Variants in SLC9A2 observed in about 807,000 individuals in gnomAD.
SLC9A2 encodes the protein sodium/hydrogen exchanger 2.
Under a neutral mutation model 71.7 loss-of-function variants are expected in SLC9A2, and 42 were observed. That is an observed-to-expected ratio of 0.59 (90% CI 0.46 to 0.76). SLC9A2 has a LOEUF of 0.76. SLC9A2 is among the 30% of genes least tolerant of loss of function. The pLI is 0.00. For synonymous variants in SLC9A2, 396 were observed against 392.5 expected, an observed-to-expected ratio of 1.01 and a Z score of -0.10; for missense variants, 829 against 1,017.4, an observed-to-expected ratio of 0.81 and a Z score of 2.52.
At chr2:102,689,788 A>G (rs1677624116) in intron 5 of SLC9A2, 1 of 152,234 alleles carries the variant, frequency 6.6e-6, no homozygotes, top group African/African-American at 2.4e-5. Context: ...CAGGGGAATG[A>G]AGGTGACATT....
chr2:102,672,788 A>G (rs1558715658), intron 3 of SLC9A2, among the ~76,000 whole-genome samples: 3 of 151,250 alleles, frequency 2.0e-5, no homozygotes, highest in Admixed American at 1.3e-4. Context: ...GGTTGAGATA[A>G]TATATATATA....
chr2:102,680,005 G>C (rs890013253), intron 3 of SLC9A2, among the ~76,000 whole-genome samples: 2 of 152,092 alleles, frequency 1.3e-5, no homozygotes, highest in Non-Finnish European at 2.9e-5. Flanking sequence ...CTGGGTAGTG[G>C]GTACTTTGGT....
At chr2:102,635,465 C>T (rs1310135608) in intron 1 of SLC9A2, among the ~76,000 whole-genome samples, 2 of 152,218 alleles carry the variant, frequency 1.3e-5, no homozygotes, top group African/African-American at 4.8e-5. Context: ...TGCAACAGCC[C>T]TGGCCCTAGT....
At chr2:102,706,037 C>CAATGAGAACACCT in intron 11 of SLC9A2, 101 bp downstream of exon 11, 2 of 185,046 alleles carry the variant, frequency 1.1e-5, no homozygotes, top group African/African-American at 9.8e-5. Context: ...GAATGAGTTC[C>CAATGAGAACACCT]GGCCGGGCGC....
At chr2:102,662,187 T>G (rs1677061912) in intron 2 of SLC9A2, among the ~76,000 whole-genome samples, 1 of 152,234 alleles carries the variant, frequency 6.6e-6, no homozygotes, top group African/African-American at 2.4e-5. Context: ...TGACCCATCT[T>G]AACTCTTTGC....
intron 2 of SLC9A2, among the ~76,000 whole-genome samples, chr2:102,664,558 C>T (rs181671985): frequency 2.6e-5 from 4 of 151,372 alleles, no homozygotes; most frequent in South Asian, 2.1e-4. Flanking sequence ...TATGTGTGGG[C>T]GGGGAGAGGA....
chr2:102,684,094 T>C (rs765837721), intron 4 of SLC9A2, 40 bp from the exon 5 acceptor site: 2 of 1,509,692 alleles, frequency 1.3e-6, no homozygotes, highest in South Asian at 1.1e-5. Context: ...TATTTTGGCC[T>C]CACCCAGTCT....
intron 1 of SLC9A2, among the ~76,000 whole-genome samples, chr2:102,632,807 A>T (rs1676401184): frequency 6.6e-6 from 1 of 152,136 alleles, no homozygotes; most frequent in South Asian, 2.1e-4. Flanking sequence ...ATCAGATTAC[A>T]CCTATCTGCT....
At chr2:102,620,810 G>A (rs919573830) in intron 1 of SLC9A2, among the ~76,000 whole-genome samples, 5 of 152,012 alleles carry the variant, frequency 3.3e-5, no homozygotes, top group African/African-American at 7.2e-5. Flanking sequence ...AGGCCCAGAC[G>A]TGAGGATCCC....
intron 5 of SLC9A2, among the ~76,000 whole-genome samples, chr2:102,690,573 A>G (rs1323788601): frequency 3.3e-5 from 5 of 152,154 alleles, no homozygotes; most frequent in Non-Finnish European, 7.3e-5. Context: ...CAGCAAAGAG[A>G]AAGCTGGAGT....
chr2:102,702,932 C>T (rs1375212009), intron 9 of SLC9A2, among the ~76,000 whole-genome samples: 1 of 152,224 alleles, frequency 6.6e-6, no homozygotes, highest in Non-Finnish European at 1.5e-5. Context: ...AATTTGCTAA[C>T]AACACAGCTA....
At chr2:102,683,583 G>A in intron 4 of SLC9A2, 105 bp downstream of exon 4, 1 of 855,724 alleles carries the variant, frequency 1.2e-6, no homozygotes, top group Admixed American at 2.7e-5. Flanking sequence ...TTTTATGTCT[G>A]CTTAATTTCT....
intron 7 of SLC9A2, among the ~76,000 whole-genome samples, chr2:102,695,992 G>A (rs1677760752): frequency 6.6e-6 from 1 of 151,542 alleles, no homozygotes; most frequent in Non-Finnish European, 1.5e-5. Flanking sequence ...CAGACAGGCA[G>A]AATTAGATGT....
At chr2:102,677,927 T>C (rs1342063546) in intron 3 of SLC9A2, among the ~76,000 whole-genome samples, 1 of 152,206 alleles carries the variant, frequency 6.6e-6, no homozygotes, top group Non-Finnish European at 1.5e-5. Flanking sequence ...ACAGAATCAT[T>C]TGGCAGATTC....
chr2:102,688,107 T>A (rs921204665), intron 5 of SLC9A2, among the ~76,000 whole-genome samples: 2 of 152,186 alleles, frequency 1.3e-5, no homozygotes, highest in Admixed American at 6.5e-5. Context: ...AGGAAACAAT[T>A]CTGATTCCTT....
intron 2 of SLC9A2, 87 bp downstream of exon 2, chr2:102,658,114 C>G: frequency 1.0e-6 from 1 of 989,056 alleles, no homozygotes; most frequent in African/African-American, 1.6e-5. Flanking sequence ...CTGGCAGGGG[C>G]GAGACCCTGC....
intron 2 of SLC9A2, among the ~76,000 whole-genome samples, chr2:102,664,642 G>A (rs1453026340): frequency 6.6e-6 from 1 of 151,988 alleles, no homozygotes; most frequent in East Asian, 1.9e-4. Context: ...CTGATGCGTA[G>A]GTCCCTTCTG....
At chr2:102,688,370 G>C (rs765423139) in intron 5 of SLC9A2, among the ~76,000 whole-genome samples, 6 of 152,122 alleles carry the variant, frequency 3.9e-5, no homozygotes, top group Non-Finnish European at 7.3e-5. Flanking sequence ...TATGTGTATA[G>C]AGTATGACAC....
chr2:102,691,894 G>C lies in SLC9A2; in HGVS notation c.1426-2520G>C, dbSNP rs1490674649. 3.9e-5 allele frequency among the ~76,000 whole-genome samples: 6 copies of C among 152,272 alleles called. No homozygotes were observed. In the South Asian group the frequency reaches 1.0e-3, roughly 26 times the overall value. On this transcript the variant is annotated intron_variant, in intron 5 of 11. Transcript: ENST00000233969. The stretch of plus-strand genomic sequence containing the variant: ...TATCTTTATGTCCTGTATTTACAAA[G>C]ACTCGTGACTCACCTATTACTTACT...
Sources: allele counts gnomAD v4.1 joint callset (sites outside exome capture counted in the v4.1 genomes callset), GRCh38; gene constraint gnomAD v4.1.1; transcripts MANE v1.5; gene names NCBI Gene and HGNC (gene_info 2026-07-23, HGNC 2026-07-21).